Variants in SH3BP1 observed in about 807,000 individuals in gnomAD.
SH3BP1 encodes SH3 domain-binding protein 1.
A neutral mutation model predicts 69.8 loss-of-function variants in SH3BP1; 46 were observed. The ratio of observed to expected loss-of-function variants is 0.66; its 90% CI spans 0.52 to 0.84. The LOEUF (loss-of-function observed/expected upper bound fraction) is 0.84. Among genes scored for constraint, SH3BP1 ranks in the 40% least tolerant of loss-of-function variants. The pLI is 0.00. For missense variants in SH3BP1, 868 were observed against 930.9 expected, an observed-to-expected ratio of 0.93 and a Z score of 0.88; for synonymous variants, 403 against 378.0, an observed-to-expected ratio of 1.07 and a Z score of -0.77.
rs141462749 is a variant in SH3BP1, at chr22:37,650,637, G to T, written c.1510G>T (p.Val504Leu). Residue 504 changes from valine to leucine, a missense_variant, in exon 16 of 18, where the codon GTG becomes TTG. Around this residue, in one of 3 missense-constraint regions of SH3BP1, gnomAD observed 474 missense variants for 462.3 expected, o/e 1.03. Transcript: ENST00000649765. The stretch of plus-strand genomic sequence containing the variant: ...CTCTGAGGAACTTCCGTCCACTGCC[G>T]TGCCCACCCCAGCCACCACCCCGGC... ...LASEELPSTA[V>L]PTPATTPAPA... 5 of 1,613,854 alleles carry T rather than the reference G, an allele frequency of 3.1e-6. No homozygotes were observed. The highest frequency in any genetic ancestry group is 1.1e-5 in the South Asian group (1 of 91,078).
intron 14 of SH3BP1, 78 bp downstream of exon 14, chr22:37,648,513 G>A (rs530857424): frequency 1.8e-4 from 189 of 1,045,324 alleles, no homozygotes; most frequent in African/African-American, 2.5e-4. Context: ...ATTTTTCCCC[G>A]GGGCCTTGGT....
rs529689528 is a variant in SH3BP1 at position 37,646,035 on chromosome 22, C to T, written c.924+525C>T. 4.3e-5 allele frequency among the ~76,000 whole-genome samples: 6 copies of T among 138,646 alleles called. No homozygotes were observed. In the East Asian group the frequency reaches 8.7e-4, roughly 20 times the overall value. The allele number at this position is 138,646 out of a possible 152,430, so 91.0% of individuals were successfully genotyped here. On this transcript the variant is annotated intron_variant, in intron 10 of 17. Coordinates refer to ENST00000649765, the MANE Select transcript of SH3BP1 (RefSeq NM_018957.6). The stretch of plus-strand genomic sequence containing the variant: ...AGGCTGGAGTGCAGTGGCGTGATCT[C>T]GGCTCACTGCAGCCTCTGTCTCCTG...
rs1368233554 is a variant in SH3BP1, at chr22:37,642,580, G to A, written c.249G>A (p.Glu83=). Residue 83 remains glutamate, a synonymous_variant, in exon 4 of 18, where the codon GAG becomes GAA. Transcript: ENST00000649765. ...PLMALSTTMA[E]SFKELDPDSS... is the part of the protein sequence containing the mutation. ...TGGCTCTGTCCACCACGATGGCTGA[G>A]AGCTTCAAGGAGCTGGACCCTGATT... is the stretch of plus-strand genomic sequence containing the variant. 6.2e-7 allele frequency: 1 copy of A among 1,613,396 alleles called. No homozygotes were observed. Among genetic ancestry groups the A allele is most frequent in the Non-Finnish European group, 8.5e-7 (1 of 1,179,998 alleles).
At chr22:37,645,636 C>A in intron 10 of SH3BP1, 126 bp downstream of exon 10, 1 of 1,118,298 alleles carries the variant, frequency 8.9e-7, no homozygotes, top group Non-Finnish European at 1.3e-6. Flanking sequence ...TGGGAGAAGA[C>A]ATGACTGCCT....
intron 6 of SH3BP1, 117 bp downstream of exon 6, chr22:37,643,291 T>G (rs1235938582): frequency 1.1e-6 from 1 of 885,142 alleles, no homozygotes. Context: ...GAGTACAGTG[T>G]GTGTACTTGT....
At chr22:37,645,853 C>T (rs1034722908) in intron 10 of SH3BP1, among the ~76,000 whole-genome samples, 4 of 152,086 alleles carry the variant, frequency 2.6e-5, no homozygotes, top group Non-Finnish European at 4.4e-5. Flanking sequence ...GCTGTGAATA[C>T]ATTGCCCCCC....
At chr22:37,641,296 C>G in intron 2 of SH3BP1, 78 bp from the exon 3 acceptor site, 1 of 1,522,978 alleles carries the variant, frequency 6.6e-7, no homozygotes, top group Non-Finnish European at 8.9e-7. Context: ...CCATGGGGTC[C>G]CCAGGGGACA....
rs1555889552 is a variant in SH3BP1 at position 37,655,438 on chromosome 22, AC to A, written c.1865del (p.Pro622ArgfsTer36). The part of the protein sequence containing the change: ...GSSLRAPTVP[P>X]PLPPTPPQPA... ...GCAGCCTCCGAGCCCCCACAGTGCC[AC>A]CCCCGTTACCCCCCACACCCCCTCA... is the stretch of plus-strand genomic sequence containing the variant. On this transcript the variant is annotated frameshift_variant, in exon 18 of 18. Coordinates refer to ENST00000649765, the MANE Select transcript of SH3BP1 (RefSeq NM_018957.6). LOFTEE classifies it low-confidence loss of function (END_TRUNC). The A allele has an allele frequency of 2.2e-5, 9 of 401,308 alleles. No homozygotes were observed. Among genetic ancestry groups the A allele is most frequent in the Non-Finnish European group, 3.1e-5 (9 of 287,042 alleles). The allele number at this position is 401,308 out of a possible 1,614,324, so 24.9% of individuals were successfully genotyped here.
At chr22:37,652,181 G>T (rs1468945012) in intron 16 of SH3BP1, among the ~76,000 whole-genome samples, 6 of 151,986 alleles carry the variant, frequency 3.9e-5, no homozygotes, top group Non-Finnish European at 7.4e-5. Context: ...ATGTTGGTGG[G>T]CGCCTGTAGT....
Position 37,655,617 on chromosome 22 carries a change from G to A in SH3BP1, c.2039G>A (p.Gly680Glu). ...GGAGGAGCCCCTGAGGCTATCAGTG[G>A]GGTCCCCACTCCCCCAGCTATCCCC... Reference protein sequence around the residue: ...AEGGAPEAISGVPTPPAIPPQ... With the variant: ...AEGGAPEAISEVPTPPAIPPQ... Residue 680 changes from glycine (G) to glutamate (E), a missense_variant, in exon 18 of 18, where the codon GGG (glycine) becomes GAG (glutamate). By Grantham distance (98) the Gly-to-Glu change is moderately conservative. This residue lies in a region of SH3BP1 where 474 missense variants were observed against 462.3 expected (regional missense o/e 1.03). Coordinates refer to ENST00000649765, the MANE Select transcript of SH3BP1 (RefSeq NM_018957.6). The A allele has an allele frequency of 6.4e-7, 1 of 1,562,320 alleles. No individual in the cohort carries two copies. The highest frequency in any genetic ancestry group is 8.7e-7 in the Non-Finnish European group (1 of 1,153,748).
Position 37,639,848 on chromosome 22 carries a change from TGA to T in SH3BP1, c.59+4_59+5del, listed in dbSNP as rs762533476. ...GGCCCAGACGGGCAGCTTGGGACGG[TGA>T]GTGTCACCCGCTTCCAGCCCCACTC... On this transcript the variant is annotated splice_donor_region_variant and intron_variant, in intron 1 of 17. Transcript: ENST00000649765. The T allele has an allele frequency of 6.4e-7, 1 of 1,565,506 alleles. No homozygotes were observed. Among genetic ancestry groups the T allele is most frequent in the South Asian group, 1.2e-5 (1 of 85,178 alleles).
At chr22:37,654,985 A>T (rs997583443) in intron 17 of SH3BP1, among the ~76,000 whole-genome samples, 1 of 152,048 alleles carries the variant, frequency 6.6e-6, no homozygotes, top group Admixed American at 6.5e-5. Flanking sequence ...AATGGGCAAG[A>T]TAATTTCAGA....
chr22:37,650,555 C>G lies in SH3BP1; in HGVS notation c.1428C>G (p.Asn476Lys). Residue 476 changes from asparagine (N) to lysine (K), a missense_variant, in exon 16 of 18, where the codon AAC becomes AAG. This residue lies in a region of SH3BP1 where 474 missense variants were observed against 462.3 expected (regional missense o/e 1.03). Transcript: ENST00000649765. ...TTCTGTCTCCAGACATCAACTTCAACGTGTCAGGCCTCTTCTCAGCTGTTA... is the reference window on the plus strand; with the variant it reads ...TTCTGTCTCCAGACATCAACTTCAAGGTGTCAGGCCTCTTCTCAGCTGTTA... ...DTLFPGDINFNVSGLFSAVTL... is the reference protein window; with the variant it reads ...DTLFPGDINFKVSGLFSAVTL... The G allele has an allele frequency of 6.2e-7, 1 of 1,610,014 alleles. No individual in the cohort carries two copies. Among genetic ancestry groups the G allele is most frequent in the Non-Finnish European group, 8.5e-7 (1 of 1,177,764 alleles).
At chr22:37,643,318 G>C in intron 6 of SH3BP1, 144 bp downstream of exon 6, 1 of 756,334 alleles carries the variant, frequency 1.3e-6, no homozygotes, top group Non-Finnish European at 2.2e-6. Flanking sequence ...CTGGTCCCTA[G>C]GAGCACAGGT....
chr22:37,643,083 C>A lies in SH3BP1; in HGVS notation c.397-15C>A, dbSNP rs776586970. 1 of 1,610,642 alleles carries A rather than the reference C, an allele frequency of 6.2e-7. No homozygotes were observed. The highest frequency in any genetic ancestry group is 8.5e-7 in the Non-Finnish European group (1 of 1,178,530). ...TCCTCCCCCAGCACACTGACCCCCC[C>A]ATGCCCATCCCCAGGAGGAGCTGCC... On this transcript the variant is annotated splice_polypyrimidine_tract_variant and intron_variant, in intron 5 of 17. Coordinates refer to ENST00000649765, the MANE Select transcript of SH3BP1 (RefSeq NM_018957.6).
intron 13 of SH3BP1, 31 bp from the exon 14 acceptor site, chr22:37,648,288 G>A (rs1462237675): frequency 1.5e-5 from 22 of 1,487,000 alleles, no homozygotes; most frequent in Non-Finnish European, 1.8e-5. Flanking sequence ...GGTGCGTTCT[G>A]CCCCTGGCCT....
rs761921449 is a variant in SH3BP1, at chr22:37,655,966, C to G, written c.*282C>G. 3.0e-5 allele frequency: 46 copies of G among 1,546,460 alleles called. No individual in the cohort carries two copies. Among genetic ancestry groups the G allele is most frequent in the South Asian group, 7.8e-5 (7 of 89,440 alleles). The stretch of plus-strand genomic sequence containing the variant: ...CCGGAAGGAAGGAGAGGTTTGCCTG[C>G]TCCTACGGGACTGATTCTTCTCTTG... On this transcript the variant is annotated 3_prime_UTR_variant, in exon 18 of 18. Transcript: ENST00000649765.
chr22:37,655,069 C>CTCTA (rs1470662399), intron 17 of SH3BP1, among the ~76,000 whole-genome samples: 2 of 152,126 alleles, frequency 1.3e-5, no homozygotes. Context: ...TGGGGTGGGA[C>CTCTA]TCTAACTAGG....
In SH3BP1 at chr22:37,651,971, G is replaced by C. The variant is rs151238536; in HGVS notation, c.1598+1246G>C. On this transcript the variant is annotated intron_variant, in intron 16 of 17. Transcript: ENST00000649765. Reference sequence around the variant, plus strand: ...CAGAGACCCGAAGGCAGTGAGGAATGAGCCTAGGACCCCCTCTGCTTCTCA... The same window carrying C: ...CAGAGACCCGAAGGCAGTGAGGAATCAGCCTAGGACCCCCTCTGCTTCTCA... 4.2e-3 allele frequency among the ~76,000 whole-genome samples: 632 copies of C among 152,208 alleles called. 6 individuals carry two copies. The highest frequency in any genetic ancestry group is 0.015 in the African/African-American group (605 of 41,536).
Sources: gnomAD v4.1 joint callset for allele counts (sites outside exome capture counted in the v4.1 genomes callset) on GRCh38, gnomAD v4.1.1 for gene constraint, gnomAD v4.1.1 regional missense constraint, MANE v1.5 for transcripts, NCBI Gene and HGNC (gene_info 2026-07-23, HGNC 2026-07-21) for gene names.